RBMS3: variants seen among roughly 807,000 people sequenced by gnomAD.
RBMS3 encodes the protein RNA binding motif single stranded interacting protein 3.
RBMS3 carries 27 observed loss-of-function variants against 66.8 expected under a neutral mutation model. That is an observed-to-expected ratio of 0.40 (90% confidence interval 0.30 to 0.56). The LOEUF is 0.56. Among genes scored for constraint, RBMS3 ranks in the 20% least tolerant of loss-of-function variants. RBMS3 has a pLI of 0.40. For missense variants in RBMS3, 513 were observed against 549.5 expected, an observed-to-expected ratio of 0.93 and a Z score of 0.66; for synonymous variants, 188 against 183.0, an observed-to-expected ratio of 1.03 and a Z score of -0.22.
chr3:29,493,310 T>A (rs2043619608), intron 3 of RBMS3, among the ~76,000 whole-genome samples: 1 of 152,304 alleles, frequency 6.6e-6, no homozygotes, highest in Admixed American at 6.5e-5. Context: ...TGGTTATGAC[T>A]GTGGTAGATC....
At chr3:29,947,104 A>G (rs1263320311) in intron 12 of RBMS3, among the ~76,000 whole-genome samples, 1 of 151,608 alleles carries the variant, frequency 6.6e-6, no homozygotes, top group Non-Finnish European at 1.5e-5. Context: ...TTTCAATGAG[A>G]TGTACTAACT....
rs563689643 is a variant in RBMS3, at chr3:29,578,768, G to T, written c.308-8346G>T. Reference sequence around the variant, plus strand: ...GAATGTACAGTATGACAAAAACAAAGAATCACAGGTAATACATGCTTCTTT... The same window carrying T: ...GAATGTACAGTATGACAAAAACAAATAATCACAGGTAATACATGCTTCTTT... On this transcript the variant is annotated intron_variant, in intron 3 of 14. Transcript: ENST00000383767. 4.3e-3 allele frequency among the ~76,000 whole-genome samples: 621 copies of T among 143,716 alleles called. 4 individuals carry two copies. Among genetic ancestry groups the T allele is most frequent in the African/African-American group, 0.016 (604 of 38,932 alleles). 94.3% of individuals were successfully genotyped at this position (143,716 alleles called of 152,430 possible).
intron 3 of RBMS3, among the ~76,000 whole-genome samples, chr3:29,495,261 A>T (rs1397483520): frequency 1.3e-5 from 2 of 152,068 alleles, no homozygotes; most frequent in Admixed American, 6.5e-5. Flanking sequence ...GCAGTTCTAA[A>T]CTCACAATCA....
chr3:29,676,103 G>T (rs962046620), intron 4 of RBMS3, among the ~76,000 whole-genome samples: 9 of 152,140 alleles, frequency 5.9e-5, no homozygotes, highest in Non-Finnish European at 8.8e-5. Flanking sequence ...CCATAAAAAA[G>T]GATGAGTTCA....
chr3:29,647,222 G>A (rs531521525), intron 4 of RBMS3, among the ~76,000 whole-genome samples: 7 of 152,204 alleles, frequency 4.6e-5, no homozygotes, highest in African/African-American at 7.2e-5. Flanking sequence ...CAGGTGATCC[G>A]CCTGCCTCGG....
chr3:29,366,217 G>T (rs150514796), intron 1 of RBMS3, among the ~76,000 whole-genome samples: 1 of 152,066 alleles, frequency 6.6e-6, no homozygotes, highest in Non-Finnish European at 1.5e-5. Flanking sequence ...TTGCAAATAG[G>T]ATATATCATA....
At position 29,527,181 on chromosome 3, in the gene RBMS3, T is replaced by TTAAAAAAAAAAAAAAAAAAAAAAAA. The variant is rs1491567884; in HGVS notation, c.307+38682_307+38683insTAAAAAAAAAAAAAAAAAAAAAAAA. On this transcript the variant is annotated intron_variant, in intron 3 of 14. Transcript: ENST00000383767. ...TTTCAGACGTGATTGTTAGGTAGAG[T>TTAAAAAAAAAAAAAAAAAAAAAAAA]AAAAAAAAAAAAAAAAAAAAAAAAA... Among the ~76,000 whole-genome samples, 77 of 87,816 alleles carry TTAAAAAAAAAAAAAAAAAAAAAAAA rather than the reference T, an allele frequency of 8.8e-4. 3 individuals carry two copies. The highest frequency in any genetic ancestry group is 1.1e-3 in the Non-Finnish European group (51 of 48,070). 57.6% of individuals were successfully genotyped at this position (87,816 alleles called of 152,430 possible).
chr3:29,604,628 C>T (rs530813817), intron 4 of RBMS3, among the ~76,000 whole-genome samples: 1 of 151,928 alleles, frequency 6.6e-6, no homozygotes, highest in African/African-American at 2.4e-5. Context: ...TGCTACAGTA[C>T]CTGCAAATGA....
chr3:29,603,357 G>A (rs2048210442), intron 4 of RBMS3, among the ~76,000 whole-genome samples: 1 of 151,834 alleles, frequency 6.6e-6, no homozygotes, highest in Middle Eastern at 3.2e-3. Flanking sequence ...TAATTGAGTA[G>A]GACAAAGAAA....
intron 1 of RBMS3, among the ~76,000 whole-genome samples, chr3:29,380,872 A>G (rs2125623129): frequency 1.3e-5 from 2 of 152,320 alleles, no homozygotes; most frequent in Middle Eastern, 6.8e-3. Flanking sequence ...CATGAACTAC[A>G]TATGAGTCAG....
At chr3:29,712,311 T>TTTA (rs1411521563) in intron 4 of RBMS3, among the ~76,000 whole-genome samples, 1 of 151,992 alleles carries the variant, frequency 6.6e-6, no homozygotes, top group African/African-American at 2.4e-5. Context: ...TTAATTTTTA[T>TTTA]TTATTATTAT....
At chr3:29,760,308 G>T (rs891906636) in intron 5 of RBMS3, among the ~76,000 whole-genome samples, 1 of 151,034 alleles carries the variant, frequency 6.6e-6, no homozygotes, top group Non-Finnish European at 1.5e-5. Flanking sequence ...CACACCCCTA[G>T]TATTAGTCTT....
At chr3:29,532,237 C>CATATATAT (rs71688232) in intron 3 of RBMS3, among the ~76,000 whole-genome samples, 59 of 92,128 alleles carry the variant, frequency 6.4e-4, no homozygotes, top group Middle Eastern at 6.2e-3. Flanking sequence ...TTTAATTTCG[C>CATATATAT]ATATATATGT....
chr3:29,597,504 C>A (rs1324788864), intron 4 of RBMS3, among the ~76,000 whole-genome samples: 5 of 152,072 alleles, frequency 3.3e-5, no homozygotes, highest in Non-Finnish European at 7.4e-5. Flanking sequence ...TCAGTTTAAT[C>A]CTCTTTTCCC....
intron 6 of RBMS3, among the ~76,000 whole-genome samples, chr3:29,860,441 G>A (rs1436709823): frequency 6.6e-6 from 1 of 152,198 alleles, no homozygotes; most frequent in Non-Finnish European, 1.5e-5. Flanking sequence ...CATGGGGTGG[G>A]AGGTGGGGCA....
intron 12 of RBMS3, among the ~76,000 whole-genome samples, chr3:29,944,639 T>C (rs1331470112): frequency 2.0e-5 from 3 of 151,650 alleles, no homozygotes; most frequent in African/African-American, 7.3e-5. Flanking sequence ...AAAAATAGTT[T>C]GAGAAGCACT....
At chr3:29,549,941 T>TTATA (rs911444031) in intron 3 of RBMS3, among the ~76,000 whole-genome samples, 1 of 151,778 alleles carries the variant, frequency 6.6e-6, no homozygotes, top group Non-Finnish European at 1.5e-5. Context: ...GTCCTTGCTC[T>TTATA]TATATATATA....
chr3:29,987,293 T>C (rs1269418976), intron 12 of RBMS3, among the ~76,000 whole-genome samples: 1 of 152,056 alleles, frequency 6.6e-6, no homozygotes, highest in African/African-American at 2.4e-5. Context: ...TCTTGAAGAG[T>C]AGAACTTTGA....
intron 4 of RBMS3, among the ~76,000 whole-genome samples, chr3:29,658,897 A>G (rs1415834184): frequency 2.0e-5 from 3 of 152,190 alleles, no homozygotes; most frequent in Admixed American, 6.5e-5. Flanking sequence ...ATCTCGGCTC[A>G]CTGCAACCTC....
Sources: gnomAD v4.1 joint callset for allele counts (sites outside exome capture counted in the v4.1 genomes callset) on GRCh38, gnomAD v4.1.1 for gene constraint, MANE v1.5 for transcripts, NCBI Gene and HGNC (gene_info 2026-07-23, HGNC 2026-07-21) for gene names.